Variants in MTMR4 observed in about 807,000 individuals in gnomAD.
MTMR4 encodes the protein phosphatidylinositol-3,5-bisphosphate 3-phosphatase MTMR4.
A neutral mutation model predicts 125.5 loss-of-function variants in MTMR4; 30 were observed. The ratio of observed to expected loss-of-function variants is 0.24; its 90% CI spans 0.18 to 0.32. MTMR4 has a LOEUF of 0.32. Among genes scored for constraint, MTMR4 ranks in the 10% least tolerant of loss-of-function variants. The pLI, the probability that MTMR4 is intolerant of heterozygous loss-of-function variation, is 1.00. For missense variants in MTMR4, 1,039 were observed against 1,511.5 expected, an observed-to-expected ratio of 0.69 and a Z score of 5.18; for synonymous variants, 498 against 564.5, an observed-to-expected ratio of 0.88 and a Z score of 1.67.
chr17:58,491,843 G>A lies in MTMR4; in HGVS notation c.3453-3C>T. The A allele has an allele frequency of 6.2e-7, 1 of 1,609,700 alleles. No individual in the cohort carries two copies. Among genetic ancestry groups the A allele is most frequent in the Non-Finnish European group, 8.5e-7 (1 of 1,176,348 alleles). ...CACAAAATACATTCCCACAATTTCTGTCAAAGCAGAAAGAGGGAAGAGTTC... is the reference window on the plus strand; with the variant it reads ...CACAAAATACATTCCCACAATTTCTATCAAAGCAGAAAGAGGGAAGAGTTC... On this transcript the variant is annotated splice_region_variant and splice_polypyrimidine_tract_variant and intron_variant, in intron 17 of 17. Coordinates refer to ENST00000682306, the MANE Select transcript of MTMR4 (RefSeq NM_001378067.1).
At position 58,514,474 on chromosome 17, in the gene MTMR4, G is replaced by GCCCGCCGCATCCCGGCTGCGGGGCT; in HGVS notation, c.-92_-68dup. The GCCCGCCGCATCCCGGCTGCGGGGCT allele has an allele frequency of 1.0e-6, 1 of 984,880 alleles. No homozygotes were observed. Among genetic ancestry groups the GCCCGCCGCATCCCGGCTGCGGGGCT allele is most frequent in the Non-Finnish European group, 1.2e-6 (1 of 829,740 alleles). The allele number at this position is 984,880 out of a possible 1,614,324, so 61.0% of individuals were successfully genotyped here. ...GCTGCGCTGCCCGCCAGCCCCGGGC[G>GCCCGCCGCATCCCGGCTGCGGGGCT]CCCGCCGCATCCCGGCTGCGGGGCT... On this transcript the variant is annotated 5_prime_UTR_variant, in exon 1 of 18. The change creates a new upstream start codon in the 5' untranslated region. Coordinates refer to ENST00000682306, the MANE Select transcript of MTMR4 (RefSeq NM_001378067.1).
At chr17:58,506,947 C>G in intron 8 of MTMR4, 76 bp from the exon 9 acceptor site, 1 of 1,572,262 alleles carries the variant, frequency 6.4e-7, no homozygotes, top group Non-Finnish European at 8.6e-7. Flanking sequence ...CACTCCCTCT[C>G]AGAAGGCAGA....
In MTMR4 at chr17:58,504,941, C is replaced by T; in HGVS notation, c.1179G>A (p.Leu393=). Residue 393 remains leucine (L), a synonymous_variant, in exon 11 of 18, where the codon CTG becomes CTA. Coordinates refer to ENST00000682306, the MANE Select transcript of MTMR4 (RefSeq NM_001378067.1). The surrounding 1 kb of genome is among the most constrained non-coding windows in gnomAD (Gnocchi z 7.1). ...CTTTTAGCATCACCGACAAGTGCTG[C>T]AGCCATTTGGTACTCTCCAGTGCCG... ...WLSALESTKW[L]QHLSVMLKAA... is the part of the protein sequence containing the mutation. 6.2e-7 allele frequency: 1 copy of T among 1,612,674 alleles called. No individual in the cohort carries two copies. The highest frequency in any genetic ancestry group is 8.5e-7 in the Non-Finnish European group (1 of 1,179,324).
chr17:58,504,504 C>G lies in MTMR4; in HGVS notation c.1342-16G>C. 3 of 1,609,478 alleles carry G rather than the reference C, an allele frequency of 1.9e-6. No individual in the cohort carries two copies. The highest frequency in any genetic ancestry group is 2.5e-6 in the Non-Finnish European group (3 of 1,177,480). ...CTTGGAAGCCCTGCAAAAAAAGAAA[C>G]TGTTCAAACATAGGGCCTCTCTGGA... On this transcript the variant is annotated splice_polypyrimidine_tract_variant and intron_variant, in intron 11 of 17. Transcript: ENST00000682306. This position sits in a 1 kb window ranked among gnomAD's most constrained non-coding sequence, Gnocchi z 7.1.
At chr17:58,505,928 A>G (rs1383367009) in intron 9 of MTMR4, among the ~76,000 whole-genome samples, 2 of 152,122 alleles carry the variant, frequency 1.3e-5, no homozygotes, top group Non-Finnish European at 2.9e-5. Flanking sequence ...ACAAACAAAA[A>G]AAGCACGTCC....
In MTMR4 at chr17:58,490,938, A is replaced by T. The variant is rs1307206300; in HGVS notation, c.*725T>A. The T allele has an allele frequency of 6.6e-6, 1 of 152,650 alleles. No individual in the cohort carries two copies. Among genetic ancestry groups the T allele is most frequent in the Non-Finnish European group, 1.5e-5 (1 of 68,056 alleles). 9.5% of individuals were successfully genotyped at this position (152,650 alleles called of 1,614,324 possible). A position where few individuals can be genotyped will look rare whatever the true frequency, so the allele number is the denominator to read the frequency against. On this transcript the variant is annotated 3_prime_UTR_variant, in exon 18 of 18. Transcript: ENST00000682306. The stretch of plus-strand genomic sequence containing the variant: ...CTGTGTAACAGAGACGACTGCCTTC[A>T]CAGCTCAAAATAACTCAATGTTTGC...
chr17:58,503,962 C>T (rs1239808971), intron 13 of MTMR4, 64 bp from the exon 14 acceptor site: 9 of 1,564,598 alleles, frequency 5.8e-6, no homozygotes, highest in East Asian at 2.3e-5. Flanking sequence ...TTTCCCTAAG[C>T]CCTTGACTCT....
At chr17:58,502,314 T>A (rs1975664350) in intron 14 of MTMR4, among the ~76,000 whole-genome samples, 1 of 151,862 alleles carries the variant, frequency 6.6e-6, no homozygotes. Flanking sequence ...CCTGCCACCA[T>A]GCCCGGCTAA....
At chr17:58,501,847 T>C (rs1360152042) in intron 14 of MTMR4, among the ~76,000 whole-genome samples, 1 of 151,746 alleles carries the variant, frequency 6.6e-6, no homozygotes, top group East Asian at 1.9e-4. Context: ...TAACTTGAGG[T>C]CAGGAGTTCA....
chr17:58,518,183 A>AG (rs1193585657), upstream of MTMR4, among the ~76,000 whole-genome samples: 1 of 152,194 alleles, frequency 6.6e-6, no homozygotes, highest in Non-Finnish European at 1.5e-5. Context: ...AGCAGTAAAG[A>AG]GGGGGCTGCT....
At chr17:58,501,064 G>GA (rs879595395) in intron 14 of MTMR4, among the ~76,000 whole-genome samples, 38 of 149,008 alleles carry the variant, frequency 2.6e-4, no homozygotes, top group African/African-American at 7.1e-4. Flanking sequence ...TTTGGGGAAG[G>GA]AAAAAAAAAA....
upstream of MTMR4, among the ~76,000 whole-genome samples, chr17:58,516,264 G>A (rs184775341): frequency 8.5e-5 from 13 of 152,242 alleles, no homozygotes; most frequent in Admixed American, 3.3e-4. Flanking sequence ...AGATTCTACC[G>A]GGGACCCAAG....
intron 14 of MTMR4, among the ~76,000 whole-genome samples, chr17:58,501,147 T>G (rs12603808): frequency 0.16 from 25,053 of 152,124 alleles, 2,514 homozygotes; most frequent in Non-Finnish European, 0.21. Flanking sequence ...ACCAATAATT[T>G]GGGATGCTGG....
chr17:58,511,467 G>A lies in MTMR4; in HGVS notation c.297C>T (p.Phe99=). The A allele has an allele frequency of 1.2e-6, 2 of 1,612,852 alleles. No homozygotes were observed. Among genetic ancestry groups the A allele is most frequent in the Non-Finnish European group, 8.5e-7 (1 of 1,179,534 alleles). The change falls in exon 4 of 18, where the codon TTC becomes TTT. Residue 99 remains phenylalanine, a synonymous_variant. Transcript: ENST00000682306. ...MIDSVESRDM[F]QLHISCKDSK... Reference sequence around the variant, plus strand: ...AGTCCTTGCAGGAAATGTGCAACTGGAACATATCACGGCTCTCCACACTGT... The same window carrying A: ...AGTCCTTGCAGGAAATGTGCAACTGAAACATATCACGGCTCTCCACACTGT...
chr17:58,508,571 C>A lies in MTMR4; in HGVS notation c.497-7G>T, dbSNP rs150087395. ...CGACAACGTATGTGCTCACCTGCAA[C>A]AGAGCCCCCACGATGGTTAGCTTCC... On this transcript the variant is annotated splice_polypyrimidine_tract_variant and splice_region_variant and intron_variant, in intron 5 of 17. Coordinates refer to ENST00000682306, the MANE Select transcript of MTMR4 (RefSeq NM_001378067.1). This position sits in a 1 kb window ranked among gnomAD's most constrained non-coding sequence, Gnocchi z 4.8. The A allele has an allele frequency of 6.2e-7, 1 of 1,614,246 alleles. No homozygotes were observed. Among genetic ancestry groups the A allele is most frequent in the South Asian group, 1.1e-5 (1 of 91,086 alleles).
chr17:58,492,768 T>G, intron 16 of MTMR4, 74 bp downstream of exon 16: 1 of 1,430,144 alleles, frequency 7.0e-7, no homozygotes, highest in Non-Finnish European at 9.9e-7. Context: ...GTCTACAGCA[T>G]GTCATTCATC....
intron 14 of MTMR4, among the ~76,000 whole-genome samples, chr17:58,503,124 C>A (rs1312332271): frequency 6.6e-6 from 1 of 152,172 alleles, no homozygotes; most frequent in African/African-American, 2.4e-5. Context: ...TGCCCTGTAC[C>A]AGTGAACAAA....
chr17:58,515,117 C>T (rs1976053116), upstream of MTMR4: 1 of 852,818 alleles, frequency 1.2e-6, no homozygotes, highest in Non-Finnish European at 1.4e-6. Flanking sequence ...ATTCCAACGC[C>T]CCTACCCAAC....
intron 14 of MTMR4, among the ~76,000 whole-genome samples, chr17:58,499,211 C>G (rs1398189195): frequency 2.0e-5 from 3 of 151,762 alleles, no homozygotes; most frequent in Non-Finnish European, 4.4e-5. Context: ...CCCTTCTCAA[C>G]CCCTGCCAGC....
Sources: gnomAD v4.1 joint callset for allele counts (sites outside exome capture counted in the v4.1 genomes callset) on GRCh38, gnomAD v4.1.1 for gene constraint, Gnocchi (gnomAD v3.1) non-coding constraint, MANE v1.5 for transcripts, NCBI Gene and HGNC (gene_info 2026-07-23, HGNC 2026-07-21) for gene names.